GRM8: variants seen among roughly 807,000 people sequenced by gnomAD.
The protein encoded by GRM8 is glutamate metabotropic receptor 8.
Under a neutral mutation model 87.2 loss-of-function variants are expected in GRM8, and 47 were observed. The ratio of observed to expected loss-of-function variants is 0.54; its 90% CI spans 0.43 to 0.69. GRM8 has a LOEUF of 0.69. GRM8 is among the 30% of genes least tolerant of loss of function. The pLI, the probability that GRM8 is intolerant of heterozygous loss-of-function variation, is 0.00. For synonymous variants in GRM8, 396 were observed against 404.5 expected (o/e 0.98, Z 0.25); for missense variants, 1,019 against 1,139.2 (o/e 0.89, Z 1.52).
intron 2 of GRM8, among the ~76,000 whole-genome samples, chr7:127,174,755 A>C (rs1449610890): frequency 6.6e-6 from 1 of 152,192 alleles, no homozygotes; most frequent in African/African-American, 2.4e-5. Flanking sequence ...AACCATGTAT[A>C]AAAAGCTGTT....
chr7:126,572,650 G>A (rs1363292101), intron 8 of GRM8, among the ~76,000 whole-genome samples: 1 of 152,156 alleles, frequency 6.6e-6, no homozygotes, highest in Non-Finnish European at 1.5e-5. Flanking sequence ...CATTTTCTGA[G>A]GTAACTTCCT....
chr7:126,569,700 C>T (rs184587827), intron 8 of GRM8, among the ~76,000 whole-genome samples: 16 of 152,208 alleles, frequency 1.1e-4, no homozygotes, highest in African/African-American at 3.6e-4. Context: ...GTGTCTTTTC[C>T]CACATCCTGC....
intron 7 of GRM8, among the ~76,000 whole-genome samples, chr7:126,764,665 A>C (rs1817999328): frequency 6.6e-6 from 1 of 152,132 alleles, no homozygotes; most frequent in Non-Finnish European, 1.5e-5. Context: ...AAACGTTTCC[A>C]TATTATTCTT....
chr7:126,770,331 A>C (rs573619840), intron 6 of GRM8, among the ~76,000 whole-genome samples: 45 of 152,250 alleles, frequency 3.0e-4, no homozygotes, highest in African/African-American at 9.9e-4. Context: ...CACCTTATTG[A>C]GTCCTATTAT....
Position 126,533,222 on chromosome 7 carries a change from G to GT in GRM8, c.2159dup (p.His720GlnfsTer5). On this transcript the variant is annotated frameshift_variant, in exon 9 of 11. Transcript: ENST00000339582. LOFTEE classifies it high-confidence loss of function. ...GCTGCTCTCCATAGTCAATGATGAT[G>GT]TGGGGGGGATCCACAACAAACCAGA... 1 of 1,613,372 alleles carries GT rather than the reference G, an allele frequency of 6.2e-7. No homozygotes were observed.
intron 6 of GRM8, among the ~76,000 whole-genome samples, chr7:126,899,104 AGTGTGTGTGT>A (rs71177573): frequency 7.1e-6 from 1 of 140,312 alleles, no homozygotes; most frequent in Non-Finnish European, 1.5e-5. Context: ...ACTGGTTAAC[AGTGTGTGTGT>A]GTGTGTGTGT....
intron 7 of GRM8, among the ~76,000 whole-genome samples, chr7:126,748,861 C>A (rs79818231): frequency 0.013 from 1,976 of 152,062 alleles, 23 homozygotes; most frequent in Non-Finnish European, 0.022. Flanking sequence ...TGATTTACAA[C>A]AAAAGTATAA....
At chr7:126,858,979 C>T (rs1797918222) in intron 6 of GRM8, among the ~76,000 whole-genome samples, 1 of 151,950 alleles carries the variant, frequency 6.6e-6, no homozygotes, top group South Asian at 2.1e-4. Context: ...TAATGTGTCC[C>T]TCCACCCCCC....
intron 6 of GRM8, among the ~76,000 whole-genome samples, chr7:126,868,525 C>G (rs889317051): frequency 6.6e-6 from 1 of 152,202 alleles, no homozygotes; most frequent in African/African-American, 2.4e-5. Flanking sequence ...CAGGATGTGT[C>G]TGCCATCCTT....
At position 127,243,169 on chromosome 7, in the gene GRM8, A is replaced by C; in HGVS notation, c.36T>G (p.Pro12=). 2 of 1,612,486 alleles carry C rather than the reference A, an allele frequency of 1.2e-6. No homozygotes were observed. The highest frequency in any genetic ancestry group is 1.7e-6 in the Non-Finnish European group (2 of 1,179,982). ...ACTTGGCGGTCAAGAGGAAGAAACA[A>C]GGGCAAGAGGCTGATCGCTTTCCCT... The part of the protein sequence containing the change: ...VCEGKRSASC[P]CFFLLTAKFY... Residue 12 remains proline, a synonymous_variant, in exon 2 of 11, where the codon CCT becomes CCG. Transcript: ENST00000339582.
At chr7:126,755,565 C>T (rs2151556828) in intron 7 of GRM8, among the ~76,000 whole-genome samples, 1 of 152,016 alleles carries the variant, frequency 6.6e-6, no homozygotes, top group East Asian at 1.9e-4. Flanking sequence ...TTTATTGACT[C>T]TAGTATGTGT....
At chr7:126,964,133 A>G (rs1437292404) in intron 3 of GRM8, among the ~76,000 whole-genome samples, 1 of 152,132 alleles carries the variant, frequency 6.6e-6, no homozygotes, top group Non-Finnish European at 1.5e-5. Context: ...CTGAAACTGG[A>G]CCCCTTCATT....
chr7:126,979,217 C>A (rs1328143485), intron 3 of GRM8, among the ~76,000 whole-genome samples: 1 of 152,136 alleles, frequency 6.6e-6, no homozygotes, highest in South Asian at 2.1e-4. Context: ...CACTCCTGAA[C>A]AATTCCCTCC....
chr7:126,452,480 A>C (rs2150488845), intron 9 of GRM8, among the ~76,000 whole-genome samples: 1 of 151,588 alleles, frequency 6.6e-6, no homozygotes, highest in South Asian at 2.1e-4. Flanking sequence ...GACATTCTCT[A>C]TAATCTTTTG....
intron 8 of GRM8, among the ~76,000 whole-genome samples, chr7:126,585,916 G>T (rs1796071239): frequency 6.6e-6 from 1 of 152,138 alleles, no homozygotes; most frequent in Non-Finnish European, 1.5e-5. Context: ...TGACATGATT[G>T]TGTATTTAGA....
At chr7:126,591,475 C>CCTCTCT (rs1796659541) in intron 8 of GRM8, among the ~76,000 whole-genome samples, 2 of 151,970 alleles carry the variant, frequency 1.3e-5, no homozygotes, top group Non-Finnish European at 2.9e-5. Context: ...GTCATCAAGA[C>CCTCTCT]AGAAAGTCAA....
At chr7:127,243,994 A>ATT (rs1563605480) in intron 1 of GRM8, among the ~76,000 whole-genome samples, 1 of 152,178 alleles carries the variant, frequency 6.6e-6, no homozygotes, top group Non-Finnish European at 1.5e-5. Flanking sequence ...AGTAGGAAAA[A>ATT]GTGATTATTC....
chr7:126,548,530 C>A (rs1275280836), intron 8 of GRM8, among the ~76,000 whole-genome samples: 4 of 152,006 alleles, frequency 2.6e-5, no homozygotes, highest in African/African-American at 9.7e-5. Flanking sequence ...GTAATCAAAG[C>A]ATAACAGGTG....
intron 2 of GRM8, among the ~76,000 whole-genome samples, chr7:127,205,439 A>G (rs1795852340): frequency 6.6e-6 from 1 of 152,172 alleles, no homozygotes. Flanking sequence ...GCACTATCAG[A>G]TGTCCTGTAA....
Sources: gnomAD v4.1 joint callset for allele counts (sites outside exome capture counted in the v4.1 genomes callset) on GRCh38, gnomAD v4.1.1 for gene constraint, MANE v1.5 for transcripts, NCBI Gene and HGNC (gene_info 2026-07-23, HGNC 2026-07-21) for gene names.